Variants in ZNF326 observed in about 807,000 individuals in gnomAD.
ZNF326 encodes the protein DBIRD complex subunit ZNF326.
In ZNF326, 30 loss-of-function variants were observed where a neutral mutation model predicts 63.1. That is an observed-to-expected ratio of 0.48 (90% CI 0.36 to 0.64). The LOEUF (loss-of-function observed/expected upper bound fraction) is 0.64. Ranked by LOEUF, ZNF326 falls within the 30% of genes least tolerant of loss-of-function variation. The pLI is 0.00. For missense variants in ZNF326, 609 were observed against 720.3 expected (o/e 0.85, Z 1.77); for synonymous variants, 194 against 228.2 (o/e 0.85, Z 1.35).
At chr1:90,004,899 G>A in intron 2 of ZNF326, 104 bp from the exon 3 acceptor site, 1 of 797,458 alleles carries the variant, frequency 1.3e-6, no homozygotes, top group South Asian at 1.9e-5. Context: ...AATGTTAATG[G>A]TAAATTATCT....
Position 90,010,224 on chromosome 1 carries a change from C to A in ZNF326, c.752C>A (p.Thr251Asn), listed in dbSNP as rs141436368. The part of the protein sequence containing the change: ...MMQPFNKPSG[T>N]FIKKPKLAKP... ...CAGCCATTTAATAAGCCCAGTGGAA[C>A]CTTTATCAAGAAACCCAAACTAGCA... Residue 251 changes from threonine (T) to asparagine (N), a missense_variant, in exon 6 of 12, where the codon ACC becomes AAC. This residue lies in a region of ZNF326 where 399 missense variants were observed against 444.3 expected (regional missense o/e 0.90). Coordinates refer to ENST00000340281, the MANE Select transcript of ZNF326 (RefSeq NM_182976.4). The A allele has an allele frequency of 4.5e-5, 73 of 1,613,706 alleles. No individual in the cohort carries two copies. Among genetic ancestry groups the A allele is most frequent in the Admixed American group, 3.8e-4 (23 of 59,992 alleles).
intron 8 of ZNF326, 89 bp from the exon 9 acceptor site, chr1:90,018,596 T>G (rs1649611364): frequency 1.6e-6 from 1 of 635,796 alleles, no homozygotes; most frequent in African/African-American, 1.9e-5. Flanking sequence ...TAGCAGATAC[T>G]GTATCTTCCA....
At chr1:89,998,464 A>G (rs990822179) in intron 2 of ZNF326, among the ~76,000 whole-genome samples, 4 of 152,180 alleles carry the variant, frequency 2.6e-5, no homozygotes, top group African/African-American at 9.7e-5. Context: ...TTTTGGTTGA[A>G]TTAGAGGCTT....
chr1:89,995,236 C>G lies in ZNF326; in HGVS notation c.-22C>G. On this transcript the variant is annotated 5_prime_UTR_variant, in exon 1 of 12. Coordinates refer to ENST00000340281, the MANE Select transcript of ZNF326 (RefSeq NM_182976.4). Reference sequence around the variant, plus strand: ...ATAGCTCAGCCTAGCGCCGCCAAGGCCGACGGCCCTCAGCCTCTGCCATGG... The same window carrying G: ...ATAGCTCAGCCTAGCGCCGCCAAGGGCGACGGCCCTCAGCCTCTGCCATGG... 6.5e-7 allele frequency: 1 copy of G among 1,546,864 alleles called. No homozygotes were observed. Among genetic ancestry groups the G allele is most frequent in the Non-Finnish European group, 8.7e-7 (1 of 1,148,770 alleles).
chr1:90,014,613 C>G (rs1268222726), intron 7 of ZNF326, among the ~76,000 whole-genome samples: 1 of 152,102 alleles, frequency 6.6e-6, no homozygotes, highest in Non-Finnish European at 1.5e-5. Flanking sequence ...TTAAAAATGT[C>G]TAAATTTTTC....
At chr1:90,005,763 A>G (rs1264004717) in intron 4 of ZNF326, 2 of 982,990 alleles carry the variant, frequency 2.0e-6, no homozygotes, top group East Asian at 1.1e-4. Context: ...TATTGCAATA[A>G]TAAAAATATT....
At chr1:89,997,253 CA>C (rs1648423648) in intron 1 of ZNF326, among the ~76,000 whole-genome samples, 1 of 152,104 alleles carries the variant, frequency 6.6e-6, no homozygotes, top group African/African-American at 2.4e-5. Context: ...AAGAATTTAA[CA>C]GTTGTTAAAT....
At chr1:89,999,581 T>C (rs1938035) in intron 2 of ZNF326, among the ~76,000 whole-genome samples, 146,915 of 152,272 alleles carry the variant, frequency 0.96, 70,908 homozygotes, top group East Asian at 0.98. Flanking sequence ...TTGGAATCTC[T>C]TGGGGAGCTT....
At chr1:90,024,980 G>GT (rs563668519) in intron 11 of ZNF326, among the ~76,000 whole-genome samples, 73,491 of 128,472 alleles carry the variant, frequency 0.57, 21,113 homozygotes, top group East Asian at 0.84. Flanking sequence ...TTTTTTTCCT[G>GT]TTTTTTTTTT....
At chr1:90,025,152 A>G (rs1464682994) in intron 11 of ZNF326, among the ~76,000 whole-genome samples, 2 of 151,892 alleles carry the variant, frequency 1.3e-5, no homozygotes, top group African/African-American at 4.8e-5. Context: ...CTTCCTCTCT[A>G]TTATTCACTC....
rs2101112723 is a variant in ZNF326, at chr1:90,033,664, A to G, written c.*5963A>G. On this transcript the variant is annotated 3_prime_UTR_variant, in exon 12 of 12. Coordinates refer to ENST00000340281, the MANE Select transcript of ZNF326 (RefSeq NM_182976.4). ...TGAGCTAGAATTTTGAGCTGAAGAT[A>G]CTTCCAGAGCTTACAAGAAAAGATA... is the stretch of plus-strand genomic sequence containing the variant. The G allele has an allele frequency of 6.6e-6, 1 of 152,286 alleles. No individual in the cohort carries two copies. Among genetic ancestry groups the G allele is most frequent in the East Asian group, 1.9e-4 (1 of 5,186 alleles). The allele number at this position is 152,286 out of a possible 1,614,324, so 9.4% of individuals were successfully genotyped here. A position where few individuals can be genotyped will look rare whatever the true frequency, so the allele number is the denominator to read the frequency against.
intron 5 of ZNF326, among the ~76,000 whole-genome samples, chr1:90,009,074 T>C (rs1191161870): frequency 6.6e-6 from 1 of 152,212 alleles, no homozygotes. Context: ...TTTTCCATGC[T>C]GTATATTATT....
At chr1:90,010,023 T>G in intron 5 of ZNF326, 65 bp from the exon 6 acceptor site, 1 of 1,500,410 alleles carries the variant, frequency 6.7e-7, no homozygotes, top group Non-Finnish European at 9.1e-7. Flanking sequence ...ACATGAAAAT[T>G]TTATATGAAT....
At chr1:89,997,330 A>G (rs531776595) in intron 1 of ZNF326, among the ~76,000 whole-genome samples, 9 of 152,292 alleles carry the variant, frequency 5.9e-5, no homozygotes, top group Admixed American at 6.5e-5. Flanking sequence ...AATATAGAAC[A>G]CAGTCATATA....
In ZNF326 at chr1:90,031,598, C is replaced by A. The variant is rs1431415807; in HGVS notation, c.*3897C>A. 1 of 151,164 alleles carries A rather than the reference C, an allele frequency of 6.6e-6. No individual in the cohort carries two copies. Among genetic ancestry groups the A allele is most frequent in the African/African-American group, 2.4e-5 (1 of 41,098 alleles). 9.4% of individuals were successfully genotyped at this position (151,164 alleles called of 1,614,324 possible). A position where few individuals can be genotyped will look rare whatever the true frequency, so the allele number is the denominator to read the frequency against. On this transcript the variant is annotated 3_prime_UTR_variant, in exon 12 of 12. Transcript: ENST00000340281. ...TTGAGACATAGCCTCACTCTGTCAC[C>A]CAGGCTGGAGTTCAGTGGCACTATC... is the stretch of plus-strand genomic sequence containing the variant.
intron 7 of ZNF326, among the ~76,000 whole-genome samples, 198 bp from the exon 8 acceptor site, chr1:90,017,119 C>T (rs1649537475): frequency 6.6e-6 from 1 of 152,158 alleles, no homozygotes; most frequent in Non-Finnish European, 1.5e-5. Flanking sequence ...GCTAGAAATG[C>T]AAAGTGGTAT....
rs377508471 is a variant in ZNF326 at position 90,027,638 on chromosome 1, A to G, written c.1686A>G (p.Leu562=). 2.4e-5 allele frequency: 38 copies of G among 1,613,904 alleles called. No homozygotes were observed. In the South Asian group the frequency reaches 3.3e-4, roughly 14 times the overall value. The change falls in exon 12 of 12, where the codon TTA becomes TTG. Residue 562 remains leucine, a synonymous_variant. Coordinates refer to ENST00000340281, the MANE Select transcript of ZNF326 (RefSeq NM_182976.4). ...GGGAAGTAGAGGAAGTAGAGGAATT[A>G]GAGGAAGAGACAGCAAAGGAAGAAC... ...GVGEVEEVEE[L]EEETAKEEPA...
At chr1:89,999,413 G>T (rs1254977652) in intron 2 of ZNF326, among the ~76,000 whole-genome samples, 2 of 152,184 alleles carry the variant, frequency 1.3e-5, no homozygotes, top group Non-Finnish European at 2.9e-5. Context: ...TTACTGGATA[G>T]TTGGATTTAA....
Position 89,995,283 on chromosome 1 carries a change from G to A in ZNF326, c.16+10G>A. ...ATGGACTTCGAGGACGGTAAGCGCT[G>A]CCTCTGGCTGGTCGGCGCAGCTGGC... On this transcript the variant is annotated intron_variant, in intron 1 of 11. Coordinates refer to ENST00000340281, the MANE Select transcript of ZNF326 (RefSeq NM_182976.4). 6.4e-7 allele frequency: 1 copy of A among 1,550,464 alleles called. No homozygotes were observed. Among genetic ancestry groups the A allele is most frequent in the Non-Finnish European group, 8.7e-7 (1 of 1,149,700 alleles).
Sources: gnomAD v4.1 joint callset for allele counts (sites outside exome capture counted in the v4.1 genomes callset) on GRCh38, gnomAD v4.1.1 for gene constraint, gnomAD v4.1.1 regional missense constraint, MANE v1.5 for transcripts, NCBI Gene and HGNC (gene_info 2026-07-23, HGNC 2026-07-21) for gene names.